Variants in MFGE8 observed in about 807,000 individuals in gnomAD.
MFGE8 encodes lactadherin.
Under a neutral mutation model 42.6 loss-of-function variants are expected in MFGE8, and 34 were observed. The observed-to-expected ratio is 0.80, with a 90% CI of 0.61 to 1.06. MFGE8 has a LOEUF of 1.06. Among genes scored for constraint, MFGE8 ranks in the 50% least tolerant of loss-of-function variants. The pLI is 0.00. For missense variants in MFGE8, 510 were observed against 516.9 expected (o/e 0.99, Z 0.13); for synonymous variants, 230 against 214.8 (o/e 1.07, Z -0.62).
At chr15:88,910,704 T>G (rs930900259) in intron 1 of MFGE8, 1 of 153,782 alleles carries the variant, frequency 6.5e-6, no homozygotes, top group African/African-American at 2.4e-5. Flanking sequence ...GACTGGGCAA[T>G]GAGTAAAGAA....
rs3784755 is a variant in MFGE8, at chr15:88,900,029, T to C, written c.871-218A>G. Among the ~76,000 whole-genome samples, 1,580 of 152,128 alleles carry C rather than the reference T, an allele frequency of 0.01. 66 individuals carry two copies. The East Asian group carries it at 0.14, about 13-fold the overall frequency. On this transcript the variant is annotated intron_variant, in intron 6 of 7. Coordinates refer to ENST00000268150, the MANE Select transcript of MFGE8 (RefSeq NM_005928.4). ...CTTGAGGCAGGTGGATCACCTGAGGTCAGGAGTTCGAGACCAGCCTGACCA... is the reference window on the plus strand; with the variant it reads ...CTTGAGGCAGGTGGATCACCTGAGGCCAGGAGTTCGAGACCAGCCTGACCA...
intron 6 of MFGE8, among the ~76,000 whole-genome samples, chr15:88,901,319 T>TCACA (rs780002621): frequency 2.9e-5 from 4 of 139,106 alleles, no homozygotes; most frequent in Non-Finnish European, 6.4e-5. Context: ...ACACACACAT[T>TCACA]CACACACACA....
intron 6 of MFGE8, 43 bp downstream of exon 6, chr15:88,901,508 T>TTCCCCCC: frequency 2.2e-6 from 2 of 924,210 alleles, no homozygotes; most frequent in Non-Finnish European, 3.5e-6. Flanking sequence ...TCCCACCTCA[T>TTCCCCCC]CCCACCCAAC....
At position 88,907,248 on chromosome 15, in the gene MFGE8, C is replaced by G. The variant is rs2141713707; in HGVS notation, c.334G>C (p.Gly112Arg). 1.9e-6 allele frequency: 3 copies of G among 1,614,150 alleles called. No individual in the cohort carries two copies. The highest frequency in any genetic ancestry group is 2.5e-6 in the Non-Finnish European group (3 of 1,180,026). The change falls in exon 3 of 8, where the codon GGC becomes CGC. Residue 112 changes from glycine (G) to arginine (R), a missense_variant. Coordinates refer to ENST00000268150, the MANE Select transcript of MFGE8 (RefSeq NM_005928.4). ...VPELARLNRA[G>R]MVNAWTPSSN... ...CTGGGTGTCCAGGCATTGACCATGC[C>G]TGCGCGGTTCAGGCGGGCCAGCTCC...
At position 88,906,107 on chromosome 15, in the gene MFGE8, CT is replaced by C; in HGVS notation, c.541-207del. On this transcript the variant is annotated intron_variant, in intron 4 of 7. Transcript: ENST00000268150. The surrounding 1 kb of genome is among the most constrained non-coding windows in gnomAD (Gnocchi z 4.2). ...CCACAAAGATTCTCCTCTCACTTTC[CT>C]TAATCATCATGGAGCCTGGGCATAA... is the stretch of plus-strand genomic sequence containing the variant. 1 of 627,892 alleles carries C rather than the reference CT, an allele frequency of 1.6e-6. No homozygotes were observed. Among genetic ancestry groups the C allele is most frequent in the Non-Finnish European group, 2.8e-6 (1 of 355,544 alleles). 38.9% of individuals were successfully genotyped at this position (627,892 alleles called of 1,614,324 possible). A position where few individuals can be genotyped will look rare whatever the true frequency, so the allele number is the denominator to read the frequency against.
intron 5 of MFGE8, chr15:88,904,870 T>G (rs561432322): frequency 6.6e-6 from 1 of 152,654 alleles, no homozygotes; most frequent in South Asian, 2.1e-4. Context: ...GCGGGTAAGA[T>G]AAGAACCTCC....
At chr15:88,908,360 G>A (rs1898798052) in intron 2 of MFGE8, among the ~76,000 whole-genome samples, 1 of 152,198 alleles carries the variant, frequency 6.6e-6, no homozygotes. Flanking sequence ...CTCGGCCAGT[G>A]GCTGAGCTGA....
chr15:88,899,178 G>T lies in MFGE8; in HGVS notation c.*217C>A, dbSNP rs1381195463. 5.9e-5 allele frequency: 38 copies of T among 640,198 alleles called. 1 individual carries two copies. In the South Asian group the frequency reaches 6.9e-4, roughly 12 times the overall value. The allele number at this position is 640,198 out of a possible 1,614,324, so 39.7% of individuals were successfully genotyped here. A position where few individuals can be genotyped will look rare whatever the true frequency, so the allele number is the denominator to read the frequency against. ...AGTGCCTAAGAAAACAGGACAGTGA[G>T]GACTGGGGGTTAGGGGACGGGGCTT... On this transcript the variant is annotated 3_prime_UTR_variant, in exon 8 of 8. Coordinates refer to ENST00000268150, the MANE Select transcript of MFGE8 (RefSeq NM_005928.4). This position sits in a 1 kb window ranked among gnomAD's most constrained non-coding sequence, Gnocchi z 6.8.
rs1890511965 is a variant in MFGE8, at chr15:88,905,985, C to A, written c.541-84G>T. ...GGGTTACCTCATCTTCCTCTTCAGA[C>A]CTGGGAGGCAGAGGTGGGGCTGGGA... is the stretch of plus-strand genomic sequence containing the variant. On this transcript the variant is annotated intron_variant, in intron 4 of 7. Transcript: ENST00000268150. This position sits in a 1 kb window ranked among gnomAD's most constrained non-coding sequence, Gnocchi z 6.6. 1 of 1,541,978 alleles carries A rather than the reference C, an allele frequency of 6.5e-7. No homozygotes were observed. Among genetic ancestry groups the A allele is most frequent in the South Asian group, 1.1e-5 (1 of 89,164 alleles).
chr15:88,901,517 A>AACCAAAAAAGGGGTCC, intron 6 of MFGE8, 34 bp downstream of exon 6: 1 of 1,072,616 alleles, frequency 9.3e-7, no homozygotes, highest in Non-Finnish European at 1.4e-6. Flanking sequence ...ATCCCACCCA[A>AACCAAAAAAGGGGTCC]CCCCAGCCCC....
chr15:88,912,515 G>A (rs1899013548), intron 1 of MFGE8: 2 of 985,366 alleles, frequency 2.0e-6, no homozygotes, highest in South Asian at 4.7e-5. Flanking sequence ...AGCGCTCCAC[G>A]GTGAATGGCA....
rs1231419749 is a variant in MFGE8 at position 88,906,021 on chromosome 15, G to A, written c.541-120C>T. 4.0e-6 allele frequency: 5 copies of A among 1,236,366 alleles called. No homozygotes were observed. Among genetic ancestry groups the A allele is most frequent in the Non-Finnish European group, 5.9e-6 (5 of 851,872 alleles). The allele number at this position is 1,236,366 out of a possible 1,614,324, so 76.6% of individuals were successfully genotyped here. On this transcript the variant is annotated intron_variant, in intron 4 of 7. Transcript: ENST00000268150. This position sits in a 1 kb window ranked among gnomAD's most constrained non-coding sequence, Gnocchi z 4.2. ...GAGGTGGGGCTGGGAGGGTGAAGAG[G>A]ACTTGGAAGAGCCAGCAGAGGCTCA...
In MFGE8 at chr15:88,901,624, T is replaced by C. The variant is rs1220180425; in HGVS notation, c.797A>G (p.Tyr266Cys). 5 of 1,612,284 alleles carry C rather than the reference T, an allele frequency of 3.1e-6. No individual in the cohort carries two copies. Among genetic ancestry groups the C allele is most frequent in the African/African-American group, 1.3e-5 (1 of 74,792 alleles). ...GTTGCCCTGCTTGTCCAGCCGTGCA[T>C]AGGAGGGGTTCCAGCTGAAGAGATG... ...GLHLFSWNPSYARLDKQGNFN... is the reference protein window; with the variant it reads ...GLHLFSWNPSCARLDKQGNFN... The change falls in exon 6 of 8, where the codon TAT (tyrosine) becomes TGT (cysteine). Residue 266 changes from tyrosine (Y) to cysteine (C), a missense_variant. Tyr to Cys is a radical substitution (Grantham distance 194, BLOSUM62 -2). Coordinates refer to ENST00000268150, the MANE Select transcript of MFGE8 (RefSeq NM_005928.4).
Position 88,899,498 on chromosome 15 carries a change from T to C in MFGE8, c.1061A>G (p.Lys354Arg). Residue 354 changes from lysine (K) to arginine (R), a missense_variant, in exon 8 of 8, where the codon AAG (lysine) becomes AGG (arginine). By Grantham distance (26) the Lys-to-Arg change is conservative. Coordinates refer to ENST00000268150, the MANE Select transcript of MFGE8 (RefSeq NM_005928.4). This position sits in a 1 kb window ranked among gnomAD's most constrained non-coding sequence, Gnocchi z 6.8. The part of the protein sequence containing the change: ...FPGNWDNHSH[K>R]KNLFETPILA... ...GATGGGCGTCTCAAACAAGTTCTTC[T>C]TGTGGGAGTGGTTGTCCCAGTTGCC... 6.2e-7 allele frequency: 1 copy of C among 1,614,170 alleles called. No homozygotes were observed. The highest frequency in any genetic ancestry group is 8.5e-7 in the Non-Finnish European group (1 of 1,180,022).
At chr15:88,901,319 T>TCA (rs780002621) in intron 6 of MFGE8, among the ~76,000 whole-genome samples, 145 of 139,006 alleles carry the variant, frequency 1.0e-3, no homozygotes, top group East Asian at 8.1e-3. Context: ...ACACACACAT[T>TCA]CACACACACA....
intron 1 of MFGE8, chr15:88,912,204 G>C (rs1235001698): frequency 3.1e-6 from 4 of 1,289,314 alleles, no homozygotes; most frequent in African/African-American, 3.0e-5. Flanking sequence ...TGGGACTTCA[G>C]AGTCCTGCTC....
At position 88,899,351 on chromosome 15, in the gene MFGE8, C is replaced by A; in HGVS notation, c.*44G>T. 1.2e-6 allele frequency: 2 copies of A among 1,611,810 alleles called. No homozygotes were observed. The highest frequency in any genetic ancestry group is 1.7e-6 in the Non-Finnish European group (2 of 1,179,760). ...AAGGGGCTGAGAAGCCAAGAGGCAG[C>A]GGGCCCATGGAAAGCAGGAAGACCT... On this transcript the variant is annotated 3_prime_UTR_variant, in exon 8 of 8. Coordinates refer to ENST00000268150, the MANE Select transcript of MFGE8 (RefSeq NM_005928.4). This position sits in a 1 kb window ranked among gnomAD's most constrained non-coding sequence, Gnocchi z 6.8.
At chr15:88,912,399 C>CATAG (rs1899007140) in intron 1 of MFGE8, 1 of 985,230 alleles carries the variant, frequency 1.0e-6, no homozygotes, top group Non-Finnish European at 1.2e-6. Flanking sequence ...GATCACAGGA[C>CATAG]ATAGGGCTGG....
Position 88,899,383 on chromosome 15 carries a change from G to A in MFGE8, c.*12C>T, listed in dbSNP as rs771757638. 13 of 1,613,818 alleles carry A rather than the reference G, an allele frequency of 8.1e-6. No homozygotes were observed. The South Asian group carries it at 1.4e-4, about 18-fold the overall frequency. ...ATGGAAAGCAGGAAGACCTGGGGGT[G>A]GCAGGTGGCCACTAACAGCCCAGCA... On this transcript the variant is annotated 3_prime_UTR_variant, in exon 8 of 8. Transcript: ENST00000268150. The surrounding 1 kb of genome is among the most constrained non-coding windows in gnomAD (Gnocchi z 6.8).
Sources: allele counts gnomAD v4.1 joint callset (sites outside exome capture counted in the v4.1 genomes callset), GRCh38; gene constraint gnomAD v4.1.1; non-coding constraint Gnocchi (gnomAD v3.1); transcripts MANE v1.5; gene names NCBI Gene and HGNC (gene_info 2026-07-23, HGNC 2026-07-21).